Variants in CAPS2 observed in about 807,000 individuals in gnomAD.
CAPS2 encodes calcyphosine 2.
CAPS2 carries 98 observed loss-of-function variants against 86.5 expected under a neutral mutation model. The observed-to-expected ratio is 1.13, with a 90% CI of 0.96 to 1.34. CAPS2 has a LOEUF of 1.34. CAPS2 is among the 40% of genes most tolerant of loss of function. The pLI is 0.00. For synonymous variants in CAPS2, 210 were observed against 225.1 expected (o/e 0.93, Z 0.60); for missense variants, 729 against 686.8 (o/e 1.06, Z -0.69).
intron 5 of CAPS2, among the ~76,000 whole-genome samples, chr12:75,316,700 G>T (rs981205633): frequency 6.6e-6 from 1 of 152,032 alleles, no homozygotes; most frequent in African/African-American, 2.4e-5. Flanking sequence ...AGGATTAAGA[G>T]ATATACATGT....
intron 1 of CAPS2, among the ~76,000 whole-genome samples, chr12:75,371,841 G>T (rs113951588): frequency 6.6e-6 from 1 of 152,084 alleles, no homozygotes; most frequent in East Asian, 1.9e-4. Context: ...TACAGTCCTC[G>T]TTTCTGCAAC....
chr12:75,281,650 A>G (rs1410912426), intron 16 of CAPS2, among the ~76,000 whole-genome samples: 8 of 152,116 alleles, frequency 5.3e-5, no homozygotes, highest in African/African-American at 1.9e-4. Flanking sequence ...ATGCTAAATG[A>G]TAATTTTGAC....
intron 15 of CAPS2, among the ~76,000 whole-genome samples, chr12:75,282,764 C>A (rs2034207477): frequency 6.6e-6 from 1 of 152,096 alleles, no homozygotes; most frequent in Non-Finnish European, 1.5e-5. Flanking sequence ...TATTTCTGAG[C>A]TATAAACAAG....
intron 5 of CAPS2, among the ~76,000 whole-genome samples, chr12:75,318,628 T>C (rs2040008914): frequency 6.6e-6 from 1 of 152,106 alleles, no homozygotes; most frequent in African/African-American, 2.4e-5. Context: ...CTATCTTATC[T>C]AAAGGTCTCC....
At chr12:75,294,135 G>A (rs1428598064) in intron 11 of CAPS2, among the ~76,000 whole-genome samples, 2 of 151,836 alleles carry the variant, frequency 1.3e-5, no homozygotes, top group Non-Finnish European at 2.9e-5. Context: ...TAATAGAGAC[G>A]GGGTTTCACC....
intron 16 of CAPS2, among the ~76,000 whole-genome samples, chr12:75,280,611 G>A (rs1202915083): frequency 6.6e-6 from 1 of 151,624 alleles, no homozygotes; most frequent in African/African-American, 2.4e-5. Flanking sequence ...TATTTAGTAT[G>A]ACTAATTAAG....
In CAPS2 at chr12:75,285,001, A is replaced by G. The variant is rs2034613565; in HGVS notation, c.1475T>C (p.Ile492Thr). The G allele has an allele frequency of 4.3e-6, 7 of 1,609,606 alleles. No homozygotes were observed. The East Asian group carries it at 1.3e-4, about 31-fold the overall frequency. ...TTTCCTGTATTCATTCATTTCACCA[A>G]TAATACCACGTTTGAATTCTCCATA... The change falls in exon 15 of 17, where the codon ATT becomes ACT. Residue 492 changes from isoleucine to threonine, a missense_variant. Physicochemically the swap from Ile to Thr is moderately conservative, Grantham distance 89. Transcript: ENST00000393284.
intron 1 of CAPS2, among the ~76,000 whole-genome samples, chr12:75,384,407 G>A (rs1025635035): frequency 6.6e-6 from 1 of 152,056 alleles, no homozygotes; most frequent in Non-Finnish European, 1.5e-5. Flanking sequence ...TAATCTAGAT[G>A]AACGGGCCAC....
chr12:75,334,685 G>C (rs769992780), upstream of CAPS2: 13 of 1,587,554 alleles, frequency 8.2e-6, no homozygotes, highest in Non-Finnish European at 1.0e-5. Context: ...AGCCGTTACT[G>C]GTCCGCGCAG....
At chr12:75,293,922 A>C (rs2036442176) in intron 11 of CAPS2, among the ~76,000 whole-genome samples, 1 of 152,144 alleles carries the variant, frequency 6.6e-6, no homozygotes, top group Non-Finnish European at 1.5e-5. Flanking sequence ...TGTAAGGACA[A>C]ATACCAAATA....
At chr12:75,358,273 A>G (rs2043286090) in intron 1 of CAPS2, among the ~76,000 whole-genome samples, 1 of 151,918 alleles carries the variant, frequency 6.6e-6, no homozygotes, top group Non-Finnish European at 1.5e-5. Context: ...CAGGAGAAAT[A>G]AAGAGAAAAG....
chr12:75,354,173 G>A (rs578039760), intron 1 of CAPS2, among the ~76,000 whole-genome samples: 1 of 144,362 alleles, frequency 6.9e-6, no homozygotes, highest in African/African-American at 2.6e-5. Flanking sequence ...AAAAGGGGGG[G>A]GGGTATTCAA....
downstream of CAPS2, chr12:75,276,322 A>T (rs1248334706): frequency 6.7e-7 from 1 of 1,492,742 alleles, no homozygotes; most frequent in African/African-American, 1.4e-5. Context: ...TCATAAAAGC[A>T]TGTTACATAA....
intron 8 of CAPS2, among the ~76,000 whole-genome samples, chr12:75,300,555 CAAAAAAAAAAAA>C (rs60853698): frequency 0.087 from 7,256 of 83,104 alleles, 254 homozygotes; most frequent in Middle Eastern, 0.14. Flanking sequence ...GACTCCGTCT[CAAAAAAAAAAAA>C]AAAAAAAAAA....
chr12:75,277,071 C>T (rs1453406319), downstream of CAPS2: 1 of 984,290 alleles, frequency 1.0e-6, no homozygotes, highest in Non-Finnish European at 1.2e-6. Context: ...CCAATTCTAA[C>T]AAAATACACC....
chr12:75,355,446 G>A (rs1469440304), intron 1 of CAPS2, among the ~76,000 whole-genome samples: 3 of 152,104 alleles, frequency 2.0e-5, no homozygotes, highest in African/African-American at 7.2e-5. Context: ...AGTCAGAATG[G>A]CAATTATTAA....
exon 8 of CAPS2, chr12:75,304,868 A>G (rs1362916589): frequency 6.2e-7 from 1 of 1,611,120 alleles, no homozygotes; most frequent in South Asian, 1.1e-5. Context: ...TGGATCACTG[A>G]TGACAGCCCT....
At chr12:75,343,771 A>G in intron 1 of CAPS2, 1 of 1,613,110 alleles carries the variant, frequency 6.2e-7, no homozygotes, top group Non-Finnish European at 8.5e-7. Flanking sequence ...CTGTTTGGAT[A>G]AATCATATAA....
chr12:75,341,796 C>T (rs1474933688), intron 1 of CAPS2, among the ~76,000 whole-genome samples: 13 of 134,332 alleles, frequency 9.7e-5, no homozygotes, highest in Non-Finnish European at 1.8e-4. Flanking sequence ...GTCACCCAGA[C>T]TGGAGGGCAA....
Sources: gnomAD v4.1 joint callset for allele counts (sites outside exome capture counted in the v4.1 genomes callset) on GRCh38, gnomAD v4.1.1 for gene constraint, MANE v1.5 for transcripts, NCBI Gene and HGNC (gene_info 2026-07-23, HGNC 2026-07-21) for gene names.